Variants in PODXL observed in about 807,000 individuals in gnomAD.
PODXL encodes the protein podocalyxin like.
PODXL carries 20 observed loss-of-function variants against 48.9 expected under a neutral mutation model. The ratio of observed to expected loss-of-function variants is 0.41; its 90% CI spans 0.29 to 0.59. The LOEUF is 0.59. Among genes scored for constraint, PODXL ranks in the 20% least tolerant of loss-of-function variants. PODXL has a pLI of 0.31. For missense variants in PODXL, 606 were observed against 675.1 expected (o/e 0.90, Z 1.13); for synonymous variants, 295 against 287.4 (o/e 1.03, Z -0.27).
In PODXL at chr7:131,504,090, A is replaced by C. The variant is rs1319208074; in HGVS notation, c.*221T>G. ...TTGATCTCCCTCATCATCCAGCAGCACTGAGCTCAGGCACTAGTGGGTTAT... is the reference window on the plus strand; with the variant it reads ...TTGATCTCCCTCATCATCCAGCAGCCCTGAGCTCAGGCACTAGTGGGTTAT... On this transcript the variant is annotated 3_prime_UTR_variant, in exon 9 of 9. Transcript: ENST00000378555. The C allele has an allele frequency of 3.5e-6, 2 of 577,064 alleles. No individual in the cohort carries two copies. Among genetic ancestry groups the C allele is most frequent in the African/African-American group, 1.9e-5 (1 of 53,358 alleles). The allele number at this position is 577,064 out of a possible 1,614,324, so 35.7% of individuals were successfully genotyped here.
chr7:131,540,191 G>A (rs1213055393), intron 1 of PODXL, among the ~76,000 whole-genome samples: 1 of 152,028 alleles, frequency 6.6e-6, no homozygotes, highest in African/African-American at 2.4e-5. Flanking sequence ...GACCACAGGT[G>A]TGCACCACCA....
At chr7:131,535,152 T>A (rs146481465) in intron 1 of PODXL, among the ~76,000 whole-genome samples, 24 of 152,326 alleles carry the variant, frequency 1.6e-4, no homozygotes, top group African/African-American at 5.3e-4. Context: ...TGTTATTATC[T>A]CCACTTTGAA....
At chr7:131,541,147 A>G (rs1798474897) in intron 1 of PODXL, among the ~76,000 whole-genome samples, 2 of 152,216 alleles carry the variant, frequency 1.3e-5, no homozygotes, top group Non-Finnish European at 2.9e-5. Context: ...TTGGAGCAGG[A>G]GCAGGAGCTA....
intron 5 of PODXL, among the ~76,000 whole-genome samples, chr7:131,508,360 A>T (rs971135628): frequency 2.6e-5 from 4 of 152,178 alleles, no homozygotes; most frequent in Non-Finnish European, 5.9e-5. Context: ...TAGTCCACAG[A>T]CCAGGAAATG....
In PODXL at chr7:131,533,210, G is replaced by A. The variant is rs1031299142; in HGVS notation, c.101-21777C>T. Among the ~76,000 whole-genome samples the A allele has an allele frequency of 3.9e-5, 6 of 152,202 alleles. No individual in the cohort carries two copies. In the South Asian group the frequency reaches 6.2e-4, roughly 16 times the overall value. ...ACTCCAGTCATGCTCCACCCTCCCC[G>A]TCCCTTCCCTGGGACCCTGGCAGGT... is the stretch of plus-strand genomic sequence containing the variant. On this transcript the variant is annotated intron_variant, in intron 1 of 8. Transcript: ENST00000378555.
At chr7:131,520,300 G>GGCAAATTTGGGAACATC (rs1798071529) in intron 1 of PODXL, 3 of 524,370 alleles carry the variant, frequency 5.7e-6, no homozygotes, top group Non-Finnish European at 1.1e-5. Flanking sequence ...CCATGAAAGA[G>GGCAAATTTGGGAACATC]ATGGGAACTC....
At chr7:131,508,064 C>T (rs776104246) in intron 5 of PODXL, among the ~76,000 whole-genome samples, 1 of 152,238 alleles carries the variant, frequency 6.6e-6, no homozygotes, top group Non-Finnish European at 1.5e-5. Flanking sequence ...AGTGAGCCAG[C>T]CATCTCCAGC....
At position 131,541,060 on chromosome 7, in the gene PODXL, C is replaced by A. The variant is rs899491477; in HGVS notation, c.100+15200G>T. ...CCCCTTCCAGGAATAACACCTGTGTCCTTCTTGCTGCAGAGTAATTCACAG... is the reference window on the plus strand; with the variant it reads ...CCCCTTCCAGGAATAACACCTGTGTACTTCTTGCTGCAGAGTAATTCACAG... On this transcript the variant is annotated intron_variant, in intron 1 of 8. Transcript: ENST00000378555. Among the ~76,000 whole-genome samples, 6 of 152,324 alleles carry A rather than the reference C, an allele frequency of 3.9e-5. No homozygotes were observed. The East Asian group carries it at 1.2e-3, about 29-fold the overall frequency.
rs1167037293 is a variant in PODXL at position 131,501,248 on chromosome 7, A to G, written c.*3063T>C. 1 of 152,650 alleles carries G rather than the reference A, an allele frequency of 6.6e-6. No homozygotes were observed. The highest frequency in any genetic ancestry group is 1.5e-5 in the Non-Finnish European group (1 of 68,052). The allele number at this position is 152,650 out of a possible 1,614,324, so 9.5% of individuals were successfully genotyped here. A position where few individuals can be genotyped will look rare whatever the true frequency, so the allele number is the denominator to read the frequency against. ...AGACATTTACATTCCTGTCCAGAGAAAAAACTTGGCCATCACTCAGCTAAC... is the reference window on the plus strand; with the variant it reads ...AGACATTTACATTCCTGTCCAGAGAGAAAACTTGGCCATCACTCAGCTAAC... On this transcript the variant is annotated 3_prime_UTR_variant, in exon 9 of 9. Coordinates refer to ENST00000378555, the MANE Select transcript of PODXL (RefSeq NM_001018111.3).
Position 131,510,963 on chromosome 7 carries a change from G to C in PODXL, c.571C>G (p.Gln191Glu). ...PHPTSPLSPR[Q>E]PTSTHPVATP... ...GCCACAGGATGCGTCGAAGTGGGTT[G>C]TCGGGGGCTAAGTGGACTTGTAGGG... Residue 191 changes from glutamine (Q) to glutamate (E), a missense_variant, in exon 2 of 9, where the codon CAA (glutamine) becomes GAA (glutamate). Gln to Glu is a conservative substitution (Grantham distance 29, BLOSUM62 2). Coordinates refer to ENST00000378555, the MANE Select transcript of PODXL (RefSeq NM_001018111.3). 1 of 1,614,174 alleles carries C rather than the reference G, an allele frequency of 6.2e-7. No individual in the cohort carries two copies. The highest frequency in any genetic ancestry group is 8.5e-7 in the Non-Finnish European group (1 of 1,180,034).
intron 1 of PODXL, among the ~76,000 whole-genome samples, chr7:131,519,003 C>A (rs557995553): frequency 2.0e-5 from 3 of 152,216 alleles, no homozygotes; most frequent in Non-Finnish European, 4.4e-5. Context: ...CCAGGTCACA[C>A]TGATTCTCCA....
At chr7:131,520,228 G>GCTTC (rs1444915172) in intron 1 of PODXL, 6 of 424,212 alleles carry the variant, frequency 1.4e-5, no homozygotes, top group Non-Finnish European at 2.3e-5. Flanking sequence ...AATCCCAAGA[G>GCTTC]CTTCCTGGAG....
intron 1 of PODXL, among the ~76,000 whole-genome samples, chr7:131,522,011 G>A (rs1293753162): frequency 6.6e-6 from 1 of 152,218 alleles, no homozygotes; most frequent in African/African-American, 2.4e-5. Flanking sequence ...GCTAAACCCA[G>A]CCCGAACATC....
rs987189170 is a variant in PODXL at position 131,511,328 on chromosome 7, G to T, written c.206C>A (p.Ser69Tyr). The change falls in exon 2 of 9, where the codon TCC becomes TAC. Residue 69 changes from serine (S) to tyrosine (Y), a missense_variant. Ser to Tyr is a moderately radical substitution (Grantham distance 144, BLOSUM62 -2). Coordinates refer to ENST00000378555, the MANE Select transcript of PODXL (RefSeq NM_001018111.3). ...DTAQQSTVPT[S>Y]KANEILASVK... is the part of the protein sequence containing the mutation. ...CGAGGCCAAGATTTCGTTGGCCTTG[G>T]AAGTGGGGACTGTGCTCTGCTGGGC... is the stretch of plus-strand genomic sequence containing the variant. 11 of 1,613,256 alleles carry T rather than the reference G, an allele frequency of 6.8e-6. No homozygotes were observed. The Admixed American group carries it at 1.7e-4, about 24-fold the overall frequency.
At chr7:131,513,492 C>T (rs1028788280) in intron 1 of PODXL, among the ~76,000 whole-genome samples, 13 of 152,206 alleles carry the variant, frequency 8.5e-5, no homozygotes, top group African/African-American at 3.1e-4. Flanking sequence ...AGTTCCGCAC[C>T]CCGTGAGACT....
chr7:131,503,662 G>A lies in PODXL; in HGVS notation c.*649C>T, dbSNP rs1225977368. ...TGAATAACCTGTGCTAATCCCAGAG[G>A]CCCCAGGACAGAGTAAGTGGGAACA... On this transcript the variant is annotated 3_prime_UTR_variant, in exon 9 of 9. Coordinates refer to ENST00000378555, the MANE Select transcript of PODXL (RefSeq NM_001018111.3). 6.5e-6 allele frequency: 1 copy of A among 152,752 alleles called. No homozygotes were observed. The highest frequency in any genetic ancestry group is 1.5e-5 in the Non-Finnish European group (1 of 68,524). The allele number at this position is 152,752 out of a possible 1,614,324, so 9.5% of individuals were successfully genotyped here.
intron 1 of PODXL, among the ~76,000 whole-genome samples, chr7:131,546,801 G>A (rs1798584184): frequency 6.6e-6 from 1 of 151,860 alleles, no homozygotes; most frequent in Admixed American, 6.6e-5. Context: ...CCCCCTAGGG[G>A]TGAGCTGAGG....
Position 131,506,039 on chromosome 7 carries a change from C to T in PODXL, c.1312-4G>A. 1.2e-6 allele frequency: 2 copies of T among 1,609,170 alleles called. No homozygotes were observed. Among genetic ancestry groups the T allele is most frequent in the Non-Finnish European group, 1.7e-6 (2 of 1,177,518 alleles). On this transcript the variant is annotated splice_polypyrimidine_tract_variant and splice_region_variant and intron_variant, in intron 7 of 8. Transcript: ENST00000378555. ...GCTTCATGTCACTGACCCCTGCCTG[C>T]ATGGGAAGTGGCAGAGAACAGGCTG...
intron 1 of PODXL, among the ~76,000 whole-genome samples, chr7:131,532,841 A>G (rs1210103115): frequency 6.6e-6 from 1 of 152,166 alleles, no homozygotes; most frequent in Non-Finnish European, 1.5e-5. Flanking sequence ...AGGAAGAGAC[A>G]GCAGAACTTC....
Sources: gnomAD v4.1 joint callset for allele counts (sites outside exome capture counted in the v4.1 genomes callset) on GRCh38, gnomAD v4.1.1 for gene constraint, MANE v1.5 for transcripts, NCBI Gene and HGNC (gene_info 2026-07-23, HGNC 2026-07-21) for gene names.